BRD1: variants seen among roughly 807,000 people sequenced by gnomAD.
BRD1 encodes the protein bromodomain containing 1, also known as bromodomain-containing protein 1.
A neutral mutation model predicts 107.7 loss-of-function variants in BRD1; 24 were observed. The ratio of observed to expected loss-of-function variants is 0.22; its 90% confidence interval spans 0.16 to 0.31. The LOEUF (loss-of-function observed/expected upper bound fraction) is 0.31. Ranked by LOEUF, BRD1 falls within the 10% of genes least tolerant of loss-of-function variation. BRD1 has a pLI of 1.00. For synonymous variants in BRD1, 744 were observed against 686.1 expected (o/e 1.08, Z -1.32); for missense variants, 1,279 against 1,638.6 (o/e 0.78, Z 3.79).
Position 49,787,485 on chromosome 22 carries a change from C to T in BRD1, c.2762G>A (p.Arg921Lys). 2 of 1,614,234 alleles carry T rather than the reference C, an allele frequency of 1.2e-6. No homozygotes were observed. Among genetic ancestry groups the T allele is most frequent in the Non-Finnish European group, 1.7e-6 (2 of 1,180,046 alleles). Residue 921 changes from arginine to lysine, a missense_variant, in exon 8 of 13, where the codon AGG (arginine) becomes AAG (lysine). Coordinates refer to ENST00000404760, the MANE Select transcript of BRD1 (RefSeq NM_001304808.3). ...CCTTGGCTGCAGAAGAGTCTCCAAC[C>T]TCGGAAGGACTACAGACAAAAAGGT... ...TKTFLSVVLP[R>K]LETLLQPRKR...
chr22:49,775,815 A>ACCTCCCCCCC, intron 11 of BRD1, 70 bp from the exon 12 acceptor site: 1 of 1,141,502 alleles, frequency 8.8e-7, no homozygotes, highest in Non-Finnish European at 1.1e-6. Context: ...TGTCACTGGC[A>ACCTCCCCCCC]CCCCCCCCCG....
At chr22:49,811,545 G>C (rs113379048) in intron 2 of BRD1, among the ~76,000 whole-genome samples, 1,669 of 152,288 alleles carry the variant, frequency 0.011, 35 homozygotes, top group African/African-American at 0.039. Context: ...GCTGCACGGC[G>C]TGGGTGCACT....
At chr22:49,807,024 C>T (rs2059759440) in intron 2 of BRD1, 1 of 151,082 alleles carries the variant, frequency 6.6e-6, no homozygotes, top group Admixed American at 6.6e-5. Context: ...AGAACCCACA[C>T]CAGGGAAAAG....
chr22:49,779,995 G>C (rs74426391), intron 8 of BRD1, among the ~76,000 whole-genome samples: 1 of 152,122 alleles, frequency 6.6e-6, no homozygotes, highest in African/African-American at 2.4e-5. Context: ...CCAGGTGCAG[G>C]GTGAGCCTGC....
Position 49,827,526 on chromosome 22 carries a change from G to A in BRD1, c.-44C>T, listed in dbSNP as rs2060159653. ...GGGGCGCCGCGGCCGCGGGAGCCCGGCAAGCGGGCGGGCGCGGGGGCCGGC... is the reference window on the plus strand; with the variant it reads ...GGGGCGCCGCGGCCGCGGGAGCCCGACAAGCGGGCGGGCGCGGGGGCCGGC... On this transcript the variant is annotated 5_prime_UTR_variant, in exon 1 of 13. Coordinates refer to ENST00000404760, the MANE Select transcript of BRD1 (RefSeq NM_001304808.3). The A allele has an allele frequency of 6.9e-6, 1 of 144,810 alleles. No homozygotes were observed. The highest frequency in any genetic ancestry group is 1.5e-5 in the Non-Finnish European group (1 of 65,320). 9.0% of individuals were successfully genotyped at this position (144,810 alleles called of 1,614,324 possible).
intron 5 of BRD1, 21 bp from the exon 6 acceptor site, chr22:49,798,138 G>T: frequency 5.1e-6 from 8 of 1,579,512 alleles, no homozygotes; most frequent in Non-Finnish European, 6.9e-6. Flanking sequence ...GGAGGAAAAA[G>T]AATCATTTAC....
intron 8 of BRD1, among the ~76,000 whole-genome samples, chr22:49,779,470 C>A (rs1229364862): frequency 1.3e-5 from 2 of 152,202 alleles, no homozygotes; most frequent in African/African-American, 4.8e-5. Flanking sequence ...CTCCGTCTCT[C>A]CTGGACTGGA....
intron 8 of BRD1, among the ~76,000 whole-genome samples, chr22:49,785,945 A>C (rs1238627894): frequency 6.6e-6 from 1 of 152,164 alleles, no homozygotes; most frequent in East Asian, 1.9e-4. Context: ...GAACAGGGAC[A>C]AGATGTGAGG....
In BRD1 at chr22:49,803,021, G is replaced by A. The variant is rs1301571726; in HGVS notation, c.1524+1183C>T. ...ACACAGTGGGGCAACCCAGGTGGAC[G>A]GCACGGGAGACCTGGAATATTCCAC... is the stretch of plus-strand genomic sequence containing the variant. On this transcript the variant is annotated intron_variant, in intron 3 of 12. Coordinates refer to ENST00000404760, the MANE Select transcript of BRD1 (RefSeq NM_001304808.3). This position sits in a 1 kb window ranked among gnomAD's most constrained non-coding sequence, Gnocchi z 4.4. Among the ~76,000 whole-genome samples, 3 of 152,214 alleles carry A rather than the reference G, an allele frequency of 2.0e-5. No homozygotes were observed. The highest frequency in any genetic ancestry group is 4.8e-5 in the African/African-American group (2 of 41,462).
chr22:49,807,421 T>TATAGACC (rs1370410983), intron 2 of BRD1, among the ~76,000 whole-genome samples: 1 of 152,234 alleles, frequency 6.6e-6, no homozygotes, highest in East Asian at 1.9e-4. Flanking sequence ...AGGACACACA[T>TATAGACC]ATAGACCATG....
At chr22:49,782,943 G>A (rs1266693828) in intron 8 of BRD1, among the ~76,000 whole-genome samples, 8 of 124,476 alleles carry the variant, frequency 6.4e-5, no homozygotes, top group Non-Finnish European at 6.6e-5. Context: ...TGACAATGCC[G>A]CTGGGGACAG....
At chr22:49,813,165 T>C (rs2059884849) in intron 2 of BRD1, among the ~76,000 whole-genome samples, 1 of 152,092 alleles carries the variant, frequency 6.6e-6, no homozygotes, top group African/African-American at 2.4e-5. Context: ...CTGATGTGAG[T>C]GGATCATTTG....
chr22:49,806,429 C>T (rs1462569171), intron 2 of BRD1: 1 of 152,106 alleles, frequency 6.6e-6, no homozygotes, highest in African/African-American at 2.4e-5. Context: ...CTCATGTGAG[C>T]AAGAGGCTGA....
At chr22:49,808,250 C>T (rs373803469) in intron 2 of BRD1, among the ~76,000 whole-genome samples, 14 of 152,156 alleles carry the variant, frequency 9.2e-5, no homozygotes, top group African/African-American at 3.1e-4. Context: ...GCATTATTCA[C>T]GATGGCTAAA....
Position 49,798,034 on chromosome 22 carries a change from G to C in BRD1, c.1869C>G (p.Asn623Lys). 1 of 1,614,202 alleles carries C rather than the reference G, an allele frequency of 6.2e-7. No homozygotes were observed. Among genetic ancestry groups the C allele is most frequent in the Non-Finnish European group, 8.5e-7 (1 of 1,180,030 alleles). ...RKRLEAQGYK[N>K]LHEFEEDFDL... is the part of the protein sequence containing the mutation. ...CAAAATCCTCCTCAAACTCATGGAG[G>C]TTTTTATACCCTTGAGCTTCTAACC... is the stretch of plus-strand genomic sequence containing the variant. The change falls in exon 6 of 13, where the codon AAC (asparagine) becomes AAG (lysine). Residue 623 changes from asparagine to lysine, a missense_variant. By Grantham distance (94) the Asn-to-Lys change is moderately conservative. This residue lies in a region of BRD1 where 406 missense variants were observed against 519.4 expected (regional missense o/e 0.78). Transcript: ENST00000404760.
chr22:49,818,515 T>A, intron 2 of BRD1: 1 of 373,944 alleles, frequency 2.7e-6, no homozygotes, highest in Non-Finnish European at 3.8e-6. Context: ...AGTCCTGCAG[T>A]AATCCATGTT....
intron 2 of BRD1, among the ~76,000 whole-genome samples, chr22:49,804,873 G>T (rs1436215738): frequency 1.3e-5 from 2 of 151,842 alleles, no homozygotes; most frequent in Non-Finnish European, 2.9e-5. Flanking sequence ...AAAAAAAAAA[G>T]ATTTCATCCA....
chr22:49,809,046 G>A (rs1294072625), intron 2 of BRD1, among the ~76,000 whole-genome samples: 3 of 151,060 alleles, frequency 2.0e-5, no homozygotes, highest in East Asian at 3.9e-4. Context: ...TTGAACCCGG[G>A]AGGAAGACAT....
In BRD1 at chr22:49,786,011, G is replaced by A. The variant is rs186093415; in HGVS notation, c.2857+1379C>T. ...GCCTTCCATCTGCACCCGGCCTGGTGAGGCTCCATGACACAGGACTCACTT... is the reference window on the plus strand; with the variant it reads ...GCCTTCCATCTGCACCCGGCCTGGTAAGGCTCCATGACACAGGACTCACTT... On this transcript the variant is annotated intron_variant, in intron 8 of 12. Coordinates refer to ENST00000404760, the MANE Select transcript of BRD1 (RefSeq NM_001304808.3). Among the ~76,000 whole-genome samples, 1,088 of 152,294 alleles carry A rather than the reference G, an allele frequency of 7.1e-3. 13 individuals carry two copies. The highest frequency in any genetic ancestry group is 0.025 in the African/African-American group (1,038 of 41,558).
Sources: allele counts gnomAD v4.1 joint callset (sites outside exome capture counted in the v4.1 genomes callset), GRCh38; gene constraint gnomAD v4.1.1; regional missense constraint gnomAD v4.1.1; non-coding constraint Gnocchi (gnomAD v3.1); transcripts MANE v1.5; gene names NCBI Gene and HGNC (gene_info 2026-07-23, HGNC 2026-07-21).